ZDHHC21: variants seen among roughly 807,000 people sequenced by gnomAD.
ZDHHC21 encodes zDHHC palmitoyltransferase 21, also known as palmitoyltransferase ZDHHC21.
Under a neutral mutation model 34.6 loss-of-function variants are expected in ZDHHC21, and 15 were observed. That is an observed-to-expected ratio of 0.43 (90% CI 0.29 to 0.67). The LOEUF is 0.67. Among genes scored for constraint, ZDHHC21 ranks in the 30% least tolerant of loss-of-function variants. The probability of loss-of-function intolerance (pLI) is 0.14; values close to 1 mark genes in which losing one functional copy is unlikely to be tolerated. For synonymous variants in ZDHHC21, 142 were observed against 101.8 expected (o/e 1.40, Z -2.38); for missense variants, 344 against 327.7 (o/e 1.05, Z -0.38).
intron 8 of ZDHHC21, among the ~76,000 whole-genome samples, chr9:14,631,373 C>A (rs941419310): frequency 4.6e-5 from 7 of 152,162 alleles, no homozygotes; most frequent in African/African-American, 1.4e-4. Flanking sequence ...AGAGTTGGGG[C>A]CTTGCTCTGG....
chr9:14,648,673 A>C (rs1401166481), intron 7 of ZDHHC21, among the ~76,000 whole-genome samples: 1 of 152,076 alleles, frequency 6.6e-6, no homozygotes, highest in Non-Finnish European at 1.5e-5. Context: ...TGTCTTCTCT[A>C]ATTGGAACGT....
chr9:14,639,202 T>G (rs1387592556), intron 8 of ZDHHC21, among the ~76,000 whole-genome samples: 1 of 152,058 alleles, frequency 6.6e-6, no homozygotes, highest in Non-Finnish European at 1.5e-5. Context: ...ATTCTGTCAT[T>G]TGCAGCAACA....
At chr9:14,619,606 AAAT>A in intron 9 of ZDHHC21, 30 bp downstream of exon 9, 4 of 1,361,190 alleles carry the variant, frequency 2.9e-6, no homozygotes, top group South Asian at 1.3e-5. Context: ...TTCCAATTTT[AAAT>A]AATACTATAC....
At chr9:14,628,516 C>T (rs1230032869) in intron 8 of ZDHHC21, among the ~76,000 whole-genome samples, 7 of 152,004 alleles carry the variant, frequency 4.6e-5, no homozygotes, top group East Asian at 3.9e-4. Flanking sequence ...AAATAGTTTA[C>T]GTAATGAAAT....
chr9:14,666,579 A>G (rs1430612329), intron 5 of ZDHHC21, among the ~76,000 whole-genome samples: 1 of 105,428 alleles, frequency 9.5e-6, no homozygotes, highest in Admixed American at 9.3e-5. Context: ...CCTATTCCAA[A>G]ATTGACCACA....
At chr9:14,623,166 A>AG (rs1316555299) in intron 8 of ZDHHC21, among the ~76,000 whole-genome samples, 3 of 152,012 alleles carry the variant, frequency 2.0e-5, no homozygotes, top group Non-Finnish European at 2.9e-5. Context: ...CAAAAAAAAA[A>AG]ACAGACAAAT....
At chr9:14,684,450 C>T (rs1183269153) in intron 2 of ZDHHC21, among the ~76,000 whole-genome samples, 2 of 145,082 alleles carry the variant, frequency 1.4e-5, no homozygotes, top group Non-Finnish European at 3.0e-5. Context: ...CTCCCATTCA[C>T]AATTGCCTCA....
the ZDHHC21 span, among the ~76,000 whole-genome samples, chr9:14,605,249 T>C: frequency 9.2e-5 from 14 of 151,742 alleles, no homozygotes; most frequent in Admixed American, 3.3e-4. Flanking sequence ...CTGAATCATA[T>C]AGCATTTCTA....
chr9:14,657,822 T>A (rs1832544220), intron 7 of ZDHHC21, among the ~76,000 whole-genome samples: 1 of 152,146 alleles, frequency 6.6e-6, no homozygotes, highest in African/African-American at 2.4e-5. Context: ...ACCTTAATCT[T>A]ACTGAGGAAT....
chr9:14,663,905 T>C (rs1833867205), intron 5 of ZDHHC21, among the ~76,000 whole-genome samples: 1 of 152,220 alleles, frequency 6.6e-6, no homozygotes, highest in Non-Finnish European at 1.5e-5. Context: ...ATTTAATCTA[T>C]AGCATATTAC....
chr9:14,691,839 T>C (rs1839205403), intron 1 of ZDHHC21, among the ~76,000 whole-genome samples: 1 of 152,264 alleles, frequency 6.6e-6, no homozygotes, highest in Non-Finnish European at 1.5e-5. Flanking sequence ...ACTTCGTATA[T>C]GTTTTTAATG....
intron 5 of ZDHHC21, among the ~76,000 whole-genome samples, chr9:14,663,476 T>C (rs181906671): frequency 2.5e-3 from 381 of 150,436 alleles, no homozygotes; most frequent in African/African-American, 8.2e-3. Context: ...AATTTTCTTT[T>C]TTTTTTCAGA....
chr9:14,596,129 G>A, the ZDHHC21 span, among the ~76,000 whole-genome samples: 3 of 152,354 alleles, frequency 2.0e-5, no homozygotes, highest in East Asian at 5.8e-4. Context: ...AATGTTCATG[G>A]CAGTTTCATT....
In ZDHHC21 at chr9:14,618,367, G is replaced by GA. The variant is rs1824653723; in HGVS notation, c.*598dup. The GA allele has an allele frequency of 6.6e-6, 1 of 152,100 alleles. No individual in the cohort carries two copies. The highest frequency in any genetic ancestry group is 1.5e-5 in the Non-Finnish European group (1 of 67,852). The allele number at this position is 152,100 out of a possible 1,614,324, so 9.4% of individuals were successfully genotyped here. On this transcript the variant is annotated 3_prime_UTR_variant, in exon 10 of 10. Coordinates refer to ENST00000380916, the MANE Select transcript of ZDHHC21 (RefSeq NM_178566.6). ...GTACTTTCATGTTGGTTTTGGTGAAGAAAAAAGAAGAAAACGTAAGCAAGC... is the reference window on the plus strand; with the variant it reads ...GTACTTTCATGTTGGTTTTGGTGAAGAAAAAAAGAAGAAAACGTAAGCAAGC...
intron 7 of ZDHHC21, among the ~76,000 whole-genome samples, chr9:14,645,680 T>A (rs1168671139): frequency 6.6e-6 from 1 of 151,946 alleles, no homozygotes; most frequent in Non-Finnish European, 1.5e-5. Context: ...GTGGAAGATG[T>A]TTACAACACA....
At chr9:14,639,582 T>C (rs552261387) in intron 8 of ZDHHC21, among the ~76,000 whole-genome samples, 26 of 152,220 alleles carry the variant, frequency 1.7e-4, no homozygotes, top group Admixed American at 1.2e-3. Context: ...TCATTATATA[T>C]TATATGCATG....
chr9:14,635,699 C>T (rs1039950785), intron 8 of ZDHHC21, among the ~76,000 whole-genome samples: 11 of 152,084 alleles, frequency 7.2e-5, no homozygotes, highest in Admixed American at 2.0e-4. Context: ...CACTTGGAAA[C>T]GAAAGGATGA....
At chr9:14,631,707 T>A (rs144865153) in intron 8 of ZDHHC21, among the ~76,000 whole-genome samples, 84 of 152,286 alleles carry the variant, frequency 5.5e-4, no homozygotes, top group African/African-American at 1.9e-3. Flanking sequence ...GGATTATTAT[T>A]TGGCCTCATT....
downstream of ZDHHC21, among the ~76,000 whole-genome samples, chr9:14,608,367 A>G (rs563471398): frequency 6.6e-6 from 1 of 152,174 alleles, no homozygotes; most frequent in African/African-American, 2.4e-5. Context: ...AGAAAGATAA[A>G]TATCACCCAA....
Sources: gnomAD v4.1 joint callset for allele counts (sites outside exome capture counted in the v4.1 genomes callset) on GRCh38, gnomAD v4.1.1 for gene constraint, MANE v1.5 for transcripts, NCBI Gene and HGNC (gene_info 2026-07-23, HGNC 2026-07-21) for gene names.